PPIE: variants seen among roughly 807,000 people sequenced by gnomAD.
PPIE encodes the protein peptidyl-prolyl cis-trans isomerase E.
PPIE carries 20 observed loss-of-function variants against 38.4 expected under a neutral mutation model. The ratio of observed to expected loss-of-function variants is 0.52; its 90% CI spans 0.37 to 0.76. The LOEUF (loss-of-function observed/expected upper bound fraction) is 0.76. PPIE is among the 30% of genes least tolerant of loss of function. The pLI is 0.00. For missense variants in PPIE, 322 were observed against 385.8 expected, an observed-to-expected ratio of 0.83 and a Z score of 1.39; for synonymous variants, 142 against 135.7, an observed-to-expected ratio of 1.05 and a Z score of -0.32.
Position 39,754,942 on chromosome 1 carries a change from A to G in PPIE, c.*1587A>G, listed in dbSNP as rs529509550. 1.1e-6 allele frequency: 1 copy of G among 927,390 alleles called. No homozygotes were observed. Among genetic ancestry groups the G allele is most frequent in the South Asian group, 5.0e-5 (1 of 20,130 alleles). The allele number at this position is 927,390 out of a possible 1,614,324, so 57.4% of individuals were successfully genotyped here. A position where few individuals can be genotyped will look rare whatever the true frequency, so the allele number is the denominator to read the frequency against. On this transcript the variant is annotated 3_prime_UTR_variant, in exon 10 of 10. Coordinates refer to ENST00000324379, the MANE Select transcript of PPIE (RefSeq NM_006112.4). The stretch of plus-strand genomic sequence containing the variant: ...TACCATGGCCTAGCCAAATTGACAC[A>G]CAAAATAGACCATCACAGTCCCAAG...
chr1:39,762,873 C>G (rs76547857), intron 9 of PPIE, among the ~76,000 whole-genome samples: 2 of 152,256 alleles, frequency 1.3e-5, no homozygotes, highest in Non-Finnish European at 2.9e-5. Flanking sequence ...CGACTGTTCA[C>G]GTATGTCCGT....
chr1:39,760,753 G>C (rs1026779484), downstream of PPIE, among the ~76,000 whole-genome samples: 1 of 152,158 alleles, frequency 6.6e-6, no homozygotes, highest in African/African-American at 2.4e-5. Context: ...AGTGGGAGCT[G>C]TAGTAACACG....
chr1:39,762,062 C>G (rs568112496), intron 9 of PPIE, among the ~76,000 whole-genome samples: 1 of 152,180 alleles, frequency 6.6e-6, no homozygotes. Context: ...TGGGCTGGGC[C>G]GCCCCACGCG....
chr1:39,745,512 T>C lies in PPIE; in HGVS notation c.508+14T>C, dbSNP rs753010334. ...CCATGACAGCAGGTGAGCAGGACGC[T>C]GTGGTCAGAACGGCGGGACGCTGGT... On this transcript the variant is annotated intron_variant, in intron 7 of 9. Transcript: ENST00000324379. The C allele has an allele frequency of 1.2e-6, 2 of 1,614,216 alleles. No homozygotes were observed. The highest frequency in any genetic ancestry group is 1.7e-5 in the Admixed American group (1 of 60,028).
Position 39,738,894 on chromosome 1 carries a change from G to A in PPIE, c.-7G>A. The stretch of plus-strand genomic sequence containing the variant: ...GCTGGCTTCCGGCGGAAAAGCGCGC[G>A]AGCAAGATGGCCACCACCAAGCGCG... On this transcript the variant is annotated 5_prime_UTR_variant, in exon 1 of 10. Coordinates refer to ENST00000324379, the MANE Select transcript of PPIE (RefSeq NM_006112.4). 1.3e-6 allele frequency: 2 copies of A among 1,513,490 alleles called. No homozygotes were observed. Among genetic ancestry groups the A allele is most frequent in the Non-Finnish European group, 1.8e-6 (2 of 1,133,210 alleles). The allele number at this position is 1,513,490 out of a possible 1,614,324, so 93.8% of individuals were successfully genotyped here.
intron 7 of PPIE, 190 bp from the exon 8 acceptor site, chr1:39,748,713 C>T (rs1056269960): frequency 1.2e-5 from 7 of 580,758 alleles, no homozygotes; most frequent in Non-Finnish European, 2.1e-5. Context: ...GCAGCATGGG[C>T]AACAAGAGTG....
At chr1:39,758,031 A>C (rs777535288), downstream of PPIE, 1 of 152,222 alleles carries the variant, frequency 6.6e-6, no homozygotes. Flanking sequence ...CTCCATATCT[A>C]CAAACCTTCA....
chr1:39,739,355 C>T (rs1004715068), intron 1 of PPIE: 1 of 175,752 alleles, frequency 5.7e-6, no homozygotes, highest in Non-Finnish European at 1.2e-5. Context: ...TCCAGCGGGC[C>T]CCGAGGAGCG....
rs1647998980 is a variant in PPIE, at chr1:39,753,693, G to A, written c.*338G>A. The A allele has an allele frequency of 1.8e-6, 2 of 1,098,034 alleles. No individual in the cohort carries two copies. The highest frequency in any genetic ancestry group is 3.3e-5 in the African/African-American group (2 of 60,712). 68.0% of individuals were successfully genotyped at this position (1,098,034 alleles called of 1,614,324 possible). A position where few individuals can be genotyped will look rare whatever the true frequency, so the allele number is the denominator to read the frequency against. On this transcript the variant is annotated 3_prime_UTR_variant, in exon 10 of 10. Coordinates refer to ENST00000324379, the MANE Select transcript of PPIE (RefSeq NM_006112.4). ...GTTTTCTTTGCTAAAATAAACCCTAGTTCTTATATTGCTCTTCCTGCTAGT... is the reference window on the plus strand; with the variant it reads ...GTTTTCTTTGCTAAAATAAACCCTAATTCTTATATTGCTCTTCCTGCTAGT...
At position 39,755,937 on chromosome 1, in the gene PPIE, G is replaced by C. The variant is rs1363386973; in HGVS notation, c.*2582G>C. The C allele has an allele frequency of 1.0e-6, 1 of 985,306 alleles. No individual in the cohort carries two copies. Among genetic ancestry groups the C allele is most frequent in the Non-Finnish European group, 1.2e-6 (1 of 829,930 alleles). The allele number at this position is 985,306 out of a possible 1,614,324, so 61.0% of individuals were successfully genotyped here. A position where few individuals can be genotyped will look rare whatever the true frequency, so the allele number is the denominator to read the frequency against. On this transcript the variant is annotated 3_prime_UTR_variant, in exon 10 of 10. Transcript: ENST00000324379. ...CTCTCTTCAGTAGTAATGGAGTCCT[G>C]GGAGGTTTACTAGGCTTTAGCCTCA...
rs1647408450 is a variant in PPIE, at chr1:39,748,990, A to G, written c.596A>G (p.Gln199Arg). ...FHRIIPQFMC[Q>R]GGDFTNHNGT... ...CGCATCATCCCCCAGTTCATGTGCC[A>G]GGGCGGTGATTTCACAAACCACAAT... Residue 199 changes from glutamine (Q) to arginine (R), a missense_variant, in exon 8 of 10, where the codon CAG becomes CGG. Coordinates refer to ENST00000324379, the MANE Select transcript of PPIE (RefSeq NM_006112.4). 6.2e-7 allele frequency: 1 copy of G among 1,613,978 alleles called. No homozygotes were observed. Among genetic ancestry groups the G allele is most frequent in the Non-Finnish European group, 8.5e-7 (1 of 1,179,954 alleles).
rs939566069 is a variant in PPIE at position 39,752,914 on chromosome 1, A to G, written c.699A>G (p.Leu233=). 3 of 1,613,432 alleles carry G rather than the reference A, an allele frequency of 1.9e-6. No individual in the cohort carries two copies. The highest frequency in any genetic ancestry group is 1.3e-5 in the African/African-American group (1 of 75,010). ...GATGGTTGTTCTCTCCCTCAGGTCT[A>G]CTATCCATGGCCAACTCTGGCCCAA... ...NFILKHTGPG[L]LSMANSGPNT... Residue 233 remains leucine (L), a synonymous_variant, in exon 9 of 10, where the codon CTA becomes CTG. Transcript: ENST00000324379.
downstream of PPIE, chr1:39,758,037 C>T (rs1344352865): frequency 6.6e-6 from 1 of 152,160 alleles, no homozygotes; most frequent in Admixed American, 6.5e-5. Flanking sequence ...ATCTACAAAC[C>T]TTCAGGTAGT....
chr1:39,755,883 G>A lies in PPIE; in HGVS notation c.*2528G>A. 1.0e-6 allele frequency: 1 copy of A among 985,438 alleles called. No homozygotes were observed. Among genetic ancestry groups the A allele is most frequent in the African/African-American group, 1.7e-5 (1 of 57,354 alleles). 61.0% of individuals were successfully genotyped at this position (985,438 alleles called of 1,614,324 possible). A position where few individuals can be genotyped will look rare whatever the true frequency, so the allele number is the denominator to read the frequency against. On this transcript the variant is annotated 3_prime_UTR_variant, in exon 10 of 10. Transcript: ENST00000324379. ...GCCAAAGGTCACACAGGGTGGTTTG[G>A]CAGAGCTGGGATTAGAAGCCCAGCC... is the stretch of plus-strand genomic sequence containing the variant.
Position 39,738,938 on chromosome 1 carries a change from A to C in PPIE, c.31+7A>C, listed in dbSNP as rs752832499. On this transcript the variant is annotated splice_region_variant and intron_variant, in intron 1 of 9. Transcript: ENST00000324379. ...AAGCGCGTCTTGTACGTGGGTGAGC[A>C]GGAGGGGTTGCTAGGCGGAGTCTGA... is the stretch of plus-strand genomic sequence containing the variant. The C allele has an allele frequency of 2.0e-6, 3 of 1,478,076 alleles. No homozygotes were observed. The highest frequency in any genetic ancestry group is 2.8e-5 in the South Asian group (2 of 71,458). The allele number at this position is 1,478,076 out of a possible 1,614,324, so 91.6% of individuals were successfully genotyped here.
chr1:39,753,372 C>T lies in PPIE; in HGVS notation c.*17C>T, dbSNP rs765000318. The T allele has an allele frequency of 6.2e-6, 10 of 1,612,238 alleles. No individual in the cohort carries two copies. Among genetic ancestry groups the T allele is most frequent in the Non-Finnish European group, 4.2e-6 (5 of 1,178,916 alleles). On this transcript the variant is annotated 3_prime_UTR_variant, in exon 10 of 10. Coordinates refer to ENST00000324379, the MANE Select transcript of PPIE (RefSeq NM_006112.4). ...TACGTGTGAGGCGGCACTCTCTCTG[C>T]TTCCCCCTCCGCTCTTGACCCTGCA...
intron 1 of PPIE, 102 bp downstream of exon 1, chr1:39,739,033 C>A: frequency 7.9e-7 from 1 of 1,267,512 alleles, no homozygotes; most frequent in Non-Finnish European, 1.0e-6. Context: ...CGGCGAGCTG[C>A]TGTCAAGGCC....
chr1:39,757,345 G>T (rs1648391913), downstream of PPIE: 2 of 152,226 alleles, frequency 1.3e-5, no homozygotes, highest in Admixed American at 1.3e-4. Context: ...TGGGAGGAAA[G>T]AACCAATATC....
At chr1:39,760,576 G>A, downstream of PPIE, 3 of 1,613,024 alleles carry the variant, frequency 1.9e-6, no homozygotes, top group Non-Finnish European at 2.5e-6. Flanking sequence ...CACCTGGCCA[G>A]GAAGAGGGCA....
Sources: gnomAD v4.1 joint callset for allele counts (sites outside exome capture counted in the v4.1 genomes callset) on GRCh38, gnomAD v4.1.1 for gene constraint, MANE v1.5 for transcripts, NCBI Gene and HGNC (gene_info 2026-07-23, HGNC 2026-07-21) for gene names.